SGK1: variants seen among roughly 807,000 people sequenced by gnomAD.
SGK1 encodes serine/threonine-protein kinase Sgk1.
SGK1 carries 26 observed loss-of-function variants against 64.2 expected under a neutral mutation model. The observed-to-expected ratio is 0.40, with a 90% CI of 0.30 to 0.56. SGK1 has a LOEUF of 0.56. Ranked by LOEUF, SGK1 falls within the 20% of genes least tolerant of loss-of-function variation. SGK1 has a pLI of 0.38. For synonymous variants in SGK1, 265 were observed against 239.7 expected, an observed-to-expected ratio of 1.11 and a Z score of -0.98; for missense variants, 519 against 645.6, an observed-to-expected ratio of 0.80 and a Z score of 2.12.
At position 134,201,266 on chromosome 6, in the gene SGK1, T is replaced by C. The variant is rs181696595; in HGVS notation, c.361+6090A>G. On this transcript the variant is annotated intron_variant, in intron 3 of 13. Transcript: ENST00000367858. ...TAGTAGAGACAGGGTTTCACCGTGT[T>C]AGCCAGGATGGTCTCCATCTCCTGA... is the stretch of plus-strand genomic sequence containing the variant. 1.8e-3 allele frequency among the ~76,000 whole-genome samples: 277 copies of C among 152,098 alleles called. 2 individuals carry two copies. The highest frequency in any genetic ancestry group is 6.5e-3 in the African/African-American group (268 of 41,512).
At chr6:134,282,031 T>C (rs919298573) in intron 1 of SGK1, among the ~76,000 whole-genome samples, 6 of 152,118 alleles carry the variant, frequency 3.9e-5, no homozygotes, top group Non-Finnish European at 7.4e-5. Context: ...TTATAGGAAA[T>C]GTATAATCCA....
chr6:134,298,137 G>A, intron 1 of SGK1: 2 of 1,313,808 alleles, frequency 1.5e-6, no homozygotes, highest in Non-Finnish European at 2.2e-6. Context: ...TTCTTGATGA[G>A]GACAGATTCA....
intron 1 of SGK1, among the ~76,000 whole-genome samples, chr6:134,289,754 A>G (rs1261092493): frequency 6.6e-6 from 1 of 152,134 alleles, no homozygotes; most frequent in Non-Finnish European, 1.5e-5. Context: ...GTAGCAGAGA[A>G]AAAGACATAC....
intron 1 of SGK1, chr6:134,298,620 G>T: frequency 1.6e-6 from 2 of 1,232,928 alleles, no homozygotes; most frequent in Non-Finnish European, 2.4e-6. Flanking sequence ...GGGCCCACTC[G>T]TGTAGGAGCG....
chr6:134,280,930 G>A (rs960680549), intron 1 of SGK1, among the ~76,000 whole-genome samples: 8 of 152,110 alleles, frequency 5.3e-5, no homozygotes, highest in African/African-American at 9.7e-5. Context: ...TTAGCTGGGC[G>A]TGGTGGTGTG....
intron 3 of SGK1, among the ~76,000 whole-genome samples, chr6:134,190,011 G>A (rs34934369): frequency 0.38 from 57,693 of 151,820 alleles, 12,678 homozygotes; most frequent in Non-Finnish European, 0.51. Flanking sequence ...CACCATGCCC[G>A]GCTAATTTTT....
chr6:134,282,449 C>T (rs758825202), intron 1 of SGK1, among the ~76,000 whole-genome samples: 15 of 151,912 alleles, frequency 9.9e-5, no homozygotes, highest in African/African-American at 3.4e-4. Flanking sequence ...GTCAGGAGTT[C>T]GAGACCAGCC....
intron 5 of SGK1, 62 bp downstream of exon 5, chr6:134,173,943 T>A: frequency 9.0e-7 from 1 of 1,116,828 alleles, no homozygotes; most frequent in South Asian, 1.3e-5. Context: ...TCCATTAATG[T>A]AGGAATACTA....
chr6:134,225,719 G>C (rs1201675900), intron 2 of SGK1, among the ~76,000 whole-genome samples: 1 of 152,070 alleles, frequency 6.6e-6, no homozygotes. Context: ...GGACAAGTTA[G>C]CCTTTAAAAT....
intron 2 of SGK1, among the ~76,000 whole-genome samples, chr6:134,241,807 A>C (rs905941120): frequency 1.3e-5 from 2 of 151,644 alleles, no homozygotes; most frequent in African/African-American, 4.8e-5. Context: ...TTTTTAGTAG[A>C]GACGGCGTTT....
intron 11 of SGK1, 56 bp downstream of exon 11, chr6:134,171,581 G>C: frequency 8.7e-6 from 11 of 1,270,168 alleles, no homozygotes; most frequent in Non-Finnish European, 1.3e-5. Context: ...TGGGCTGTGT[G>C]AAGGCAATAT....
intron 2 of SGK1, among the ~76,000 whole-genome samples, chr6:134,232,453 AAG>A (rs1302399865): frequency 1.7e-5 from 1 of 60,196 alleles, no homozygotes; most frequent in Non-Finnish European, 4.1e-5. Flanking sequence ...GAAAGAAAGA[AAG>A]AAAGAAAGAA....
At chr6:134,273,952 C>T (rs1358314612) in intron 1 of SGK1, among the ~76,000 whole-genome samples, 1 of 152,140 alleles carries the variant, frequency 6.6e-6, no homozygotes, top group Non-Finnish European at 1.5e-5. Context: ...AGCCGCTGCA[C>T]CCAGCTCACT....
At chr6:134,258,693 C>G (rs989161135) in intron 2 of SGK1, among the ~76,000 whole-genome samples, 1 of 151,986 alleles carries the variant, frequency 6.6e-6, no homozygotes, top group East Asian at 1.9e-4. Context: ...GGTGACAGGG[C>G]GAGACTCCAT....
At chr6:134,179,229 A>C (rs1480830833) in intron 3 of SGK1, among the ~76,000 whole-genome samples, 1 of 152,134 alleles carries the variant, frequency 6.6e-6, no homozygotes, top group African/African-American at 2.4e-5. Context: ...CGGGTATGTT[A>C]TCTTCCATTG....
chr6:134,224,873 T>C (rs1175781027), intron 2 of SGK1, among the ~76,000 whole-genome samples: 1 of 150,362 alleles, frequency 6.7e-6, no homozygotes, highest in Non-Finnish European at 1.5e-5. Flanking sequence ...CACAAAAAAT[T>C]AGCCAGGCGT....
At chr6:134,184,383 T>C (rs1174575165) in intron 3 of SGK1, among the ~76,000 whole-genome samples, 1 of 151,580 alleles carries the variant, frequency 6.6e-6, no homozygotes, top group Admixed American at 6.6e-5. Flanking sequence ...TGCGCGCCTG[T>C]AGTCCCAGCT....
intron 3 of SGK1, among the ~76,000 whole-genome samples, chr6:134,205,586 A>G (rs1775756408): frequency 6.6e-6 from 1 of 152,200 alleles, no homozygotes; most frequent in African/African-American, 2.4e-5. Flanking sequence ...CTTCCTAAGA[A>G]GCGTGCTATA....
At chr6:134,188,982 G>C (rs1278868393) in intron 3 of SGK1, among the ~76,000 whole-genome samples, 1 of 146,972 alleles carries the variant, frequency 6.8e-6, no homozygotes, top group Non-Finnish European at 1.5e-5. Context: ...CTGGGCTCAA[G>C]TGATCCTCCC....
Sources: gnomAD v4.1 joint callset for allele counts (sites outside exome capture counted in the v4.1 genomes callset) on GRCh38, gnomAD v4.1.1 for gene constraint, MANE v1.5 for transcripts, NCBI Gene and HGNC (gene_info 2026-07-23, HGNC 2026-07-21) for gene names.